MSN: variants seen among roughly 807,000 people sequenced by gnomAD.
MSN encodes epididymis luminal protein 70.
A neutral mutation model predicts 48.0 loss-of-function variants in MSN; 2 were observed. That is an observed-to-expected ratio of 0.04 (90% CI 0.02 to 0.13). The LOEUF (loss-of-function observed/expected upper bound fraction) is 0.13, where lower values mean the gene tolerates loss of function less well. Ranked by LOEUF, MSN falls within the 10% of genes least tolerant of loss-of-function variation. The probability of loss-of-function intolerance (pLI) is 1.00; values close to 1 mark genes in which losing one functional copy is unlikely to be tolerated. For missense variants in MSN, 267 were observed against 470.1 expected (o/e 0.57, Z 3.99); for synonymous variants, 146 against 166.9 (o/e 0.87, Z 0.97).
chrX:65,729,874 C>A (rs754065974), intron 4 of MSN, among the ~76,000 whole-genome samples, 162 bp downstream of exon 4: 4 of 112,546 alleles, frequency 3.6e-5, no homozygotes, highest in Non-Finnish European at 7.5e-5. Flanking sequence ...TAGTGTCAGA[C>A]TCTGTTGTTG....
intron 1 of MSN, among the ~76,000 whole-genome samples, chrX:65,683,577 G>C (rs184743807): frequency 9.0e-6 from 1 of 110,640 alleles, no homozygotes; most frequent in East Asian, 2.8e-4. Flanking sequence ...GCCAGCATTT[G>C]AGAGGTGTAG....
chrX:65,699,748 C>CAAAAAAAA (rs34875923), intron 1 of MSN, among the ~76,000 whole-genome samples: 2 of 43,018 alleles, frequency 4.6e-5, no homozygotes, highest in African/African-American at 7.6e-5. Flanking sequence ...GAATCTGTTT[C>CAAAAAAAA]AAAAAAAAAA....
intron 6 of MSN, among the ~76,000 whole-genome samples, chrX:65,732,577 C>T (rs2071633695): frequency 1.8e-5 from 2 of 111,451 alleles, no homozygotes; most frequent in South Asian, 7.5e-4. Context: ...GTAGCCTTAT[C>T]CCACTTGCTT....
At chrX:65,592,172 G>C (rs1314817231) in intron 1 of MSN, among the ~76,000 whole-genome samples, 2 of 103,631 alleles carry the variant, frequency 1.9e-5, no homozygotes, top group African/African-American at 3.6e-5. Flanking sequence ...TACTCTAACT[G>C]CATGATATCC....
intron 1 of MSN, among the ~76,000 whole-genome samples, chrX:65,707,018 G>T (rs1386389262): frequency 8.9e-6 from 1 of 111,741 alleles, no homozygotes; most frequent in African/African-American, 3.3e-5. Context: ...GGTAGGTGAG[G>T]GGAAACCATT....
chrX:65,594,684 A>T (rs1165994749), intron 1 of MSN, among the ~76,000 whole-genome samples: 2 of 111,373 alleles, frequency 1.8e-5, no homozygotes, highest in African/African-American at 3.3e-5. Context: ...AGAGGCTGAA[A>T]ACTTGACCTG....
intron 1 of MSN, among the ~76,000 whole-genome samples, chrX:65,620,703 C>T (rs934600089): frequency 2.7e-5 from 3 of 111,945 alleles, no homozygotes; most frequent in Non-Finnish European, 5.6e-5. Flanking sequence ...TAGACCGGAG[C>T]TGCTCCTATT....
At chrX:65,643,671 C>T (rs1376857583) in intron 1 of MSN, among the ~76,000 whole-genome samples, 2 of 111,611 alleles carry the variant, frequency 1.8e-5, no homozygotes, top group African/African-American at 3.3e-5. Flanking sequence ...CTATGAATCA[C>T]TAAACCAAGA....
At position 65,739,000 on chromosome X, in the gene MSN, A is replaced by G; in HGVS notation, c.1375A>G (p.Thr459Ala). The G allele has an allele frequency of 8.3e-7, 1 of 1,211,394 alleles. No individual in the cohort carries two copies. The highest frequency in any genetic ancestry group is 1.1e-6 in the Non-Finnish European group (1 of 895,333). Residue 459 changes from threonine (T) to alanine (A), a missense_variant, in exon 12 of 13, where the codon ACC becomes GCC. Physicochemically the swap from Thr to Ala is moderately conservative, Grantham distance 58 (BLOSUM62 0). This residue lies in a region of MSN where 48 missense variants were observed against 115.5 expected (regional missense o/e 0.42). Coordinates refer to ENST00000360270, the MANE Select transcript of MSN (RefSeq NM_002444.3). ...AQMVQEDLEK[T>A]RAELKTAMST... ...GATGGTACAGGAAGACTTGGAGAAGACCCGTGCTGAGCTGAAGACTGCCAT... is the reference window on the plus strand; with the variant it reads ...GATGGTACAGGAAGACTTGGAGAAGGCCCGTGCTGAGCTGAAGACTGCCAT...
intron 1 of MSN, among the ~76,000 whole-genome samples, chrX:65,711,315 C>G (rs1292948638): frequency 2.7e-5 from 3 of 111,507 alleles, no homozygotes; most frequent in Non-Finnish European, 5.6e-5. Flanking sequence ...CTGCCTCGGC[C>G]TCCCAAAGTG....
In MSN at chrX:65,592,594, T is replaced by G. The variant is rs752025491; in HGVS notation, c.-22+3982T>G. On this transcript the variant is annotated intron_variant, in intron 1 of 3. Coordinates refer to the MSN transcript ENST00000609672. ...ATTAGCCATCATTAATCACAATGTA[T>G]TAGTCAATATTAGTCACAATACCTC... Among the ~76,000 whole-genome samples the G allele has an allele frequency of 1.2e-4, 13 of 111,532 alleles. No individual in the cohort carries two copies. In the East Asian group the frequency reaches 3.6e-3, roughly 31 times the overall value.
At chrX:65,668,317 C>T (rs747788970) in intron 1 of MSN, among the ~76,000 whole-genome samples, 1 of 112,074 alleles carries the variant, frequency 8.9e-6, no homozygotes, top group Non-Finnish European at 1.9e-5. Flanking sequence ...CGGGGCGGAT[C>T]CGGCACCCCC....
intron 1 of MSN, among the ~76,000 whole-genome samples, chrX:65,630,686 T>C (rs760821732): frequency 9.0e-6 from 1 of 111,640 alleles, no homozygotes; most frequent in South Asian, 3.7e-4. Flanking sequence ...ACCCCAGCGC[T>C]AGGCAACCAC....
At chrX:65,628,552 C>T (rs1410432991) in intron 1 of MSN, among the ~76,000 whole-genome samples, 12 of 111,621 alleles carry the variant, frequency 1.1e-4, no homozygotes, top group South Asian at 3.8e-4. Context: ...TTTTCCTCCT[C>T]GGCCTTCGGG....
rs779604997 is a variant in MSN, at chrX:65,704,891, G to A, written c.13-11927G>A. Among the ~76,000 whole-genome samples, 4 of 108,108 alleles carry A rather than the reference G, an allele frequency of 3.7e-5. No individual in the cohort carries two copies. In the East Asian group the frequency reaches 8.7e-4, roughly 24 times the overall value. 93.9% of individuals were successfully genotyped at this position (108,108 alleles called of 115,157 possible). A position where few individuals can be genotyped will look rare whatever the true frequency, so the allele number is the denominator to read the frequency against. ...TTCAAGCAATTTTCCTGTCTCAGCC[G>A]CCCTAGTAGCTGGGACAACAGGCAC... On this transcript the variant is annotated intron_variant, in intron 1 of 12. Coordinates refer to ENST00000360270, the MANE Select transcript of MSN (RefSeq NM_002444.3).
intron 12 of MSN, 74 bp from the exon 13 acceptor site, chrX:65,739,655 G>T: frequency 9.4e-7 from 1 of 1,060,253 alleles, no homozygotes; most frequent in South Asian, 2.5e-5. Flanking sequence ...AGAAGAGAAG[G>T]GAAGTCTGGT....
chrX:65,710,819 T>A (rs1415095728), intron 1 of MSN, among the ~76,000 whole-genome samples: 3 of 110,404 alleles, frequency 2.7e-5, no homozygotes, highest in African/African-American at 9.9e-5. Context: ...CAAGCGATTC[T>A]CCTGCCTCAG....
chrX:65,635,112 C>T (rs1246101422), intron 1 of MSN, among the ~76,000 whole-genome samples: 1 of 111,412 alleles, frequency 9.0e-6, no homozygotes, highest in East Asian at 2.8e-4. Context: ...TTTTCTTGTC[C>T]GCTGTATTCT....
upstream of MSN, chrX:65,667,548 C>T (rs1370933985): frequency 2.7e-6 from 2 of 733,644 alleles, no homozygotes; most frequent in African/African-American, 2.3e-5. Flanking sequence ...CCTGGCCAGG[C>T]GGGGCTGGGC....
Sources: allele counts gnomAD v4.1 joint callset (sites outside exome capture counted in the v4.1 genomes callset), GRCh38; gene constraint gnomAD v4.1.1; regional missense constraint gnomAD v4.1.1; transcripts MANE v1.5; gene names NCBI Gene and HGNC (gene_info 2026-07-23, HGNC 2026-07-21).